The following FHL3 variants were observed in gnomAD, a reference collection of about 807,000 sequenced individuals.
FHL3 encodes the protein four and a half LIM domains protein 3.
A neutral mutation model predicts 34.3 loss-of-function variants in FHL3; 21 were observed. That is an observed-to-expected ratio of 0.61 (90% CI 0.43 to 0.88). FHL3 has a LOEUF of 0.88. FHL3 is among the 40% of genes least tolerant of loss of function. The pLI, the probability that FHL3 is intolerant of heterozygous loss-of-function variation, is 0.00. For missense variants in FHL3, 333 were observed against 373.7 expected (o/e 0.89, Z 0.90); for synonymous variants, 137 against 144.6 (o/e 0.95, Z 0.38).
Position 37,997,225 on chromosome 1 carries a change from G to A in FHL3, c.*180C>T, listed in dbSNP as rs1646542412. On this transcript the variant is annotated 3_prime_UTR_variant, in exon 6 of 6. Transcript: ENST00000373016. This position sits in a 1 kb window ranked among gnomAD's most constrained non-coding sequence, Gnocchi z 4.3. ...TCATGGAGGCTCTGTAAGAGCCCAG[G>A]TTTGGGGCCCTGGGTCAGGGAGTAC... is the stretch of plus-strand genomic sequence containing the variant. 4.6e-6 allele frequency: 3 copies of A among 653,168 alleles called. No individual in the cohort carries two copies. Among genetic ancestry groups the A allele is most frequent in the East Asian group, 2.7e-5 (1 of 37,354 alleles). The allele number at this position is 653,168 out of a possible 1,614,324, so 40.5% of individuals were successfully genotyped here. A position where few individuals can be genotyped will look rare whatever the true frequency, so the allele number is the denominator to read the frequency against.
At chr1:38,004,787 A>G (rs1474913427) in intron 1 of FHL3, among the ~76,000 whole-genome samples, 1 of 152,172 alleles carries the variant, frequency 6.6e-6, no homozygotes, top group East Asian at 1.9e-4. Flanking sequence ...CAGATTCAGC[A>G]TGAGGCCAAT....
rs1386657859 is a variant in FHL3 at position 37,997,492 on chromosome 1, G to T, written c.756C>A (p.Ala252=). The change falls in exon 6 of 6, where the codon GCC becomes GCA. Residue 252 remains alanine, a synonymous_variant. Coordinates refer to ENST00000373016, the MANE Select transcript of FHL3 (RefSeq NM_004468.5). The surrounding 1 kb of genome is among the most constrained non-coding windows in gnomAD (Gnocchi z 4.3). ...GGCCCACCAGGGAGGTAGAGCAGCG[G>T]GCGCAGGAGAAGCAGTTGTGGTGCC... ...RHWHHNCFSC[A]RCSTSLVGQG... is the part of the protein sequence containing the mutation. 8.1e-6 allele frequency: 13 copies of T among 1,613,934 alleles called. No individual in the cohort carries two copies. Among genetic ancestry groups the T allele is most frequent in the Non-Finnish European group, 1.1e-5 (13 of 1,179,982 alleles).
At chr1:38,000,143 T>G (rs1646579256) in intron 1 of FHL3, among the ~76,000 whole-genome samples, 1 of 152,164 alleles carries the variant, frequency 6.6e-6, no homozygotes, top group Admixed American at 6.5e-5. Context: ...CCCTCTGCCC[T>G]CATCCCCCCA....
At chr1:38,000,043 G>C (rs556217627) in intron 1 of FHL3, among the ~76,000 whole-genome samples, 2 of 152,320 alleles carry the variant, frequency 1.3e-5, no homozygotes, top group South Asian at 4.1e-4. Context: ...CGGGGAATCA[G>C]CCAAGCAATG....
At position 37,998,027 on chromosome 1, in the gene FHL3, C is replaced by G; in HGVS notation, c.437G>C (p.Gly146Ala). Residue 146 changes from glycine to alanine, a missense_variant, in exon 4 of 6, where the codon GGT (glycine) becomes GCT (alanine). Physicochemically the swap from Gly to Ala is moderately conservative, Grantham distance 60. Coordinates refer to ENST00000373016, the MANE Select transcript of FHL3 (RefSeq NM_004468.5). ...ATAGCAGGGCACGCAGTAGTGAGCA[C>G]CCTTGTCGGGCACAAAAGAACGGGA... The part of the protein sequence containing the change: ...LGSRSFVPDK[G>A]AHYCVPCYEN... 1 of 1,614,144 alleles carries G rather than the reference C, an allele frequency of 6.2e-7. No individual in the cohort carries two copies. Among genetic ancestry groups the G allele is most frequent in the South Asian group, 1.1e-5 (1 of 91,086 alleles).
At chr1:38,000,044 C>G (rs577687908) in intron 1 of FHL3, among the ~76,000 whole-genome samples, 8 of 152,258 alleles carry the variant, frequency 5.3e-5, no homozygotes, top group African/African-American at 1.9e-4. Context: ...GGGGAATCAG[C>G]CAAGCAATGG....
At chr1:38,004,850 G>A (rs2148732709) in intron 1 of FHL3, among the ~76,000 whole-genome samples, 1 of 152,302 alleles carries the variant, frequency 6.6e-6, no homozygotes, top group East Asian at 1.9e-4. Flanking sequence ...CCTAGGGAAT[G>A]TGTTCGCTGG....
At position 37,999,364 on chromosome 1, in the gene FHL3, G is replaced by A. The variant is rs1023098022; in HGVS notation, c.49C>T (p.Arg17Cys). ...CAKCNESLYG[R>C]KYIQTDSGPY... ...CCGCTGTCTGTCTGGATGTACTTGC[G>A]TCCATACAGGGACTCGTTGCATTTT... Residue 17 changes from arginine (R) to cysteine (C), a missense_variant, in exon 2 of 6, where the codon CGC (arginine) becomes TGC (cysteine). Physicochemically the swap from Arg to Cys is radical, Grantham distance 180. Transcript: ENST00000373016. The A allele has an allele frequency of 1.1e-5, 18 of 1,614,216 alleles. 1 individual carries two copies. The highest frequency in any genetic ancestry group is 2.7e-5 in the African/African-American group (2 of 75,058).
chr1:37,998,934 G>A, intron 3 of FHL3, 40 bp downstream of exon 3: 1 of 1,599,220 alleles, frequency 6.3e-7, no homozygotes, highest in East Asian at 2.2e-5. Context: ...ACCCTACGCA[G>A]ATGCCAGTTC....
Position 37,997,715 on chromosome 1 carries a change from A to G in FHL3, c.657T>C (p.Pro219=). ...TGGGGCGCTTGCAGCTGCTGCACTT[A>G]GGTGCAAAGAGTTCTCCAAAACAGG... The part of the protein sequence containing the change: ...CVACFGELFA[P]KCSSCKRPIV... The change falls in exon 5 of 6, where the codon CCT becomes CCC. Residue 219 remains proline, a synonymous_variant. Coordinates refer to ENST00000373016, the MANE Select transcript of FHL3 (RefSeq NM_004468.5). The surrounding 1 kb of genome is among the most constrained non-coding windows in gnomAD (Gnocchi z 4.3). 1 of 1,614,100 alleles carries G rather than the reference A, an allele frequency of 6.2e-7. No individual in the cohort carries two copies. The highest frequency in any genetic ancestry group is 8.5e-7 in the Non-Finnish European group (1 of 1,179,990).
intron 3 of FHL3, 184 bp downstream of exon 3, chr1:37,998,790 C>T (rs1646562333): frequency 1.6e-6 from 1 of 614,446 alleles, no homozygotes; most frequent in South Asian, 2.0e-5. Context: ...ATGTGTCAAT[C>T]TGCCTGTACA....
chr1:37,999,221 C>T, intron 2 of FHL3, 36 bp downstream of exon 2: 6 of 1,613,996 alleles, frequency 3.7e-6, no homozygotes, highest in South Asian at 1.1e-5. Flanking sequence ...CCACTGGTCA[C>T]CACCCACCTC....
intron 1 of FHL3, among the ~76,000 whole-genome samples, chr1:38,004,050 C>T (rs533663565): frequency 1.3e-4 from 20 of 152,164 alleles, no homozygotes; most frequent in Admixed American, 1.3e-3. Flanking sequence ...CTTCTAGAAG[C>T]TGACAGGAGA....
chr1:37,999,777 GC>G (rs1646574785), intron 1 of FHL3, among the ~76,000 whole-genome samples: 1 of 152,172 alleles, frequency 6.6e-6, no homozygotes, highest in South Asian at 2.1e-4. Context: ...ACTGTCCCCA[GC>G]GTGGGAGAAG....
At chr1:38,004,633 G>C (rs1455648349) in intron 1 of FHL3, among the ~76,000 whole-genome samples, 1 of 152,060 alleles carries the variant, frequency 6.6e-6, no homozygotes, top group Admixed American at 6.6e-5. Context: ...CTCAAGTCTT[G>C]GTCTCTTCTT....
At chr1:38,004,186 A>G (rs1157947620) in intron 1 of FHL3, among the ~76,000 whole-genome samples, 3 of 152,076 alleles carry the variant, frequency 2.0e-5, no homozygotes, top group Admixed American at 6.6e-5. Flanking sequence ...GGGGAGCAAG[A>G]TCCCGCAGCT....
At position 37,997,763 on chromosome 1, in the gene FHL3, C is replaced by T. The variant is rs751719296; in HGVS notation, c.609G>A (p.Arg203=). 3 of 1,614,172 alleles carry T rather than the reference C, an allele frequency of 1.9e-6. No homozygotes were observed. Among genetic ancestry groups the T allele is most frequent in the Non-Finnish European group, 1.7e-6 (2 of 1,180,020 alleles). ...TPLAGQQFTS[R]DEDPYCVACF... ...AGGCCACACAGTAGGGATCTTCATC[C>T]CGGGAGGTGAACTGCTGCCCTGCCA... is the stretch of plus-strand genomic sequence containing the variant. The change falls in exon 5 of 6, where the codon CGG becomes CGA. Residue 203 remains arginine (R), a synonymous_variant. Coordinates refer to ENST00000373016, the MANE Select transcript of FHL3 (RefSeq NM_004468.5). The surrounding 1 kb of genome is among the most constrained non-coding windows in gnomAD (Gnocchi z 4.3).
At chr1:37,999,510 C>A (rs201861880) in intron 1 of FHL3, 78 bp from the exon 2 acceptor site, 1 of 1,374,404 alleles carries the variant, frequency 7.3e-7, no homozygotes. Context: ...CCTCTGCATT[C>A]AAAACACAGC....
chr1:37,997,791 G>A lies in FHL3; in HGVS notation c.581C>T (p.Pro194Leu). 6.2e-7 allele frequency: 1 copy of A among 1,614,110 alleles called. No individual in the cohort carries two copies. The highest frequency in any genetic ancestry group is 1.7e-5 in the Admixed American group (1 of 60,028). The stretch of plus-strand genomic sequence containing the variant: ...GGAGGTGAACTGCTGCCCTGCCAGG[G>A]GCGTCTGGCATCCGGTACAGACCAG... ...ECLVCTGCQT[P>L]LAGQQFTSRD... is the part of the protein sequence containing the mutation. Residue 194 changes from proline to leucine, a missense_variant, in exon 5 of 6, where the codon CCC (proline) becomes CTC (leucine). Coordinates refer to ENST00000373016, the MANE Select transcript of FHL3 (RefSeq NM_004468.5). The surrounding 1 kb of genome is among the most constrained non-coding windows in gnomAD (Gnocchi z 4.3).
Sources: allele counts gnomAD v4.1 joint callset (sites outside exome capture counted in the v4.1 genomes callset), GRCh38; gene constraint gnomAD v4.1.1; non-coding constraint Gnocchi (gnomAD v3.1); transcripts MANE v1.5; gene names NCBI Gene and HGNC (gene_info 2026-07-23, HGNC 2026-07-21).